USP36: variants seen among roughly 807,000 people sequenced by gnomAD.
USP36 encodes the protein ubiquitin carboxyl-terminal hydrolase 36.
Under a neutral mutation model 111.5 loss-of-function variants are expected in USP36, and 59 were observed. The observed-to-expected ratio is 0.53, with a 90% CI of 0.43 to 0.66. The LOEUF (loss-of-function observed/expected upper bound fraction) is 0.66, where lower values mean the gene tolerates loss of function less well. Among genes scored for constraint, USP36 ranks in the 30% least tolerant of loss-of-function variants. USP36 has a pLI of 0.00. For missense variants in USP36, 1,488 were observed against 1,468.0 expected, an observed-to-expected ratio of 1.01 and a Z score of -0.22; for synonymous variants, 628 against 581.0, an observed-to-expected ratio of 1.08 and a Z score of -1.16.
In USP36 at chr17:78,813,007, A is replaced by C. The variant is rs781206395; in HGVS notation, c.1266-6T>G. On this transcript the variant is annotated splice_region_variant and splice_polypyrimidine_tract_variant and intron_variant, in intron 12 of 20. Transcript: ENST00000449938. ...TTTTCTTAGAGCCTGGAATTCTGTC[A>C]AAGGAAGAAAACAAGTAGGGAATTC... 9.9e-6 allele frequency: 16 copies of C among 1,613,932 alleles called. No homozygotes were observed. Among genetic ancestry groups the C allele is most frequent in the Admixed American group, 5.0e-5 (3 of 59,982 alleles).
intron 3 of USP36, among the ~76,000 whole-genome samples, chr17:78,789,427 T>C (rs2093563990): frequency 1.3e-5 from 2 of 151,992 alleles, no homozygotes; most frequent in South Asian, 2.1e-4. Context: ...AGTGAATAAA[T>C]AGAAGACAGA....
chr17:78,816,943 T>A (rs73394977), intron 10 of USP36, among the ~76,000 whole-genome samples: 5,996 of 152,298 alleles, frequency 0.039, 384 homozygotes, highest in African/African-American at 0.13. Context: ...ACTGTTCTGA[T>A]TTCTGTCACC....
At chr17:78,814,757 T>G (rs960022310) in intron 10 of USP36, among the ~76,000 whole-genome samples, 1 of 150,338 alleles carries the variant, frequency 6.7e-6, no homozygotes, top group African/African-American at 2.5e-5. Context: ...GAGATCAGCC[T>G]GACCAATATA....
Position 78,798,740 on chromosome 17 carries a change from A to C in USP36, c.3240+168T>G, listed in dbSNP as rs1211419338. The stretch of plus-strand genomic sequence containing the variant: ...TATTGACAAAGGGGCGGAAGCTGCG[A>C]GGATGCATGCCCTGTCCATGGCCAC... On this transcript the variant is annotated intron_variant, in intron 19 of 20. Coordinates refer to ENST00000449938, the MANE Select transcript of USP36 (RefSeq NM_001385174.1). The surrounding 1 kb of genome is among the most constrained non-coding windows in gnomAD (Gnocchi z 5.1). Among the ~76,000 whole-genome samples the C allele has an allele frequency of 6.6e-6, 1 of 152,172 alleles. No individual in the cohort carries two copies. Among genetic ancestry groups the C allele is most frequent in the African/African-American group, 2.4e-5 (1 of 41,450 alleles).
At chr17:78,836,816 C>CACAG (rs1033170490) in intron 2 of USP36, among the ~76,000 whole-genome samples, 25 of 143,528 alleles carry the variant, frequency 1.7e-4, no homozygotes, top group African/African-American at 6.9e-4. Flanking sequence ...CACACACACA[C>CACAG]ACAAACGGAC....
At chr17:78,820,869 G>A in intron 8 of USP36, 122 bp downstream of exon 8, 1 of 1,047,506 alleles carries the variant, frequency 9.5e-7, no homozygotes, top group African/African-American at 1.6e-5. Flanking sequence ...CAAGGCGGCA[G>A]GGAGCAAAGG....
chr17:78,804,216 C>A (rs2093831240), intron 15 of USP36, among the ~76,000 whole-genome samples: 1 of 152,166 alleles, frequency 6.6e-6, no homozygotes, highest in Non-Finnish European at 1.5e-5. Context: ...AATTCCAGCA[C>A]TTTGGGAAGC....
At chr17:78,821,401 T>C (rs1315423354) in intron 7 of USP36, 1 of 54,810 alleles carries the variant, frequency 1.8e-5, no homozygotes, top group African/African-American at 9.4e-5. Context: ...TATATATATA[T>C]ATATATATAT....
chr17:78,812,552 G>T (rs944665303), intron 13 of USP36, among the ~76,000 whole-genome samples: 1 of 151,736 alleles, frequency 6.6e-6, no homozygotes, highest in Non-Finnish European at 1.5e-5. Flanking sequence ...TTAGCCGGGC[G>T]TGGTTCGGGC....
At chr17:78,801,643 C>A (rs1347256889) in intron 17 of USP36, among the ~76,000 whole-genome samples, 1 of 152,160 alleles carries the variant, frequency 6.6e-6, no homozygotes, top group Non-Finnish European at 1.5e-5. Flanking sequence ...AGCCACAGCA[C>A]ACAGGTCCCC....
intron 9 of USP36, chr17:78,818,982 G>GA: frequency 2.0e-6 from 1 of 509,900 alleles, no homozygotes; most frequent in Non-Finnish European, 3.5e-6. Flanking sequence ...TAAGACTACA[G>GA]AAAGTGGGAA....
intron 4 of USP36, among the ~76,000 whole-genome samples, chr17:78,830,269 A>G (rs558671052): frequency 6.6e-6 from 1 of 152,316 alleles, no homozygotes; most frequent in South Asian, 2.1e-4. Flanking sequence ...CTTTCTATAA[A>G]TCGTATCATG....
chr17:78,802,363 C>T lies in USP36; in HGVS notation c.2983G>A (p.Ala995Thr), dbSNP rs145562419. 2.0e-5 allele frequency: 32 copies of T among 1,600,954 alleles called. No individual in the cohort carries two copies. Among genetic ancestry groups the T allele is most frequent in the East Asian group, 1.1e-4 (5 of 44,532 alleles). ...GGACACCAGCCATTCGCGGATGGTG[C>T]GCAGCTGCTGGACTCGGGGACAACA... ...DAVVPESSSCAPSANGWCPGD... is the reference protein window; with the variant it reads ...DAVVPESSSCTPSANGWCPGD... The change falls in exon 17 of 21, where the codon GCA (alanine) becomes ACA (threonine). Residue 995 changes from alanine to threonine, a missense_variant. Physicochemically the swap from Ala to Thr is moderately conservative, Grantham distance 58 (BLOSUM62 0). Transcript: ENST00000449938.
intron 4 of USP36, among the ~76,000 whole-genome samples, chr17:78,834,997 G>GTGTGTATATA (rs968867639): frequency 6.4e-5 from 9 of 141,434 alleles, no homozygotes; most frequent in African/African-American, 2.2e-4. Flanking sequence ...AATAATATTT[G>GTGTGTATATA]TATATATATA....
At chr17:78,814,274 G>C (rs2094132096) in intron 11 of USP36, 138 bp downstream of exon 11, 1 of 1,182,570 alleles carries the variant, frequency 8.5e-7, no homozygotes. Context: ...CACGCAGAGA[G>C]GCAACAACGA....
intron 10 of USP36, among the ~76,000 whole-genome samples, chr17:78,818,119 C>G (rs901862885): frequency 6.6e-6 from 1 of 152,082 alleles, no homozygotes; most frequent in South Asian, 2.1e-4. Context: ...AAAATACCAT[C>G]GTGTCAAAAG....
chr17:78,801,525 C>T (rs1021266868), intron 17 of USP36, among the ~76,000 whole-genome samples: 1 of 152,226 alleles, frequency 6.6e-6, no homozygotes, highest in Non-Finnish European at 1.5e-5. Flanking sequence ...GACTTTCTCT[C>T]CCCTTCACTT....
rs114691947 is a variant in USP36 at position 78,806,092 on chromosome 17, G to A, written c.2216+64C>T. ...TGGCGATTCGTCCAACTCCTCACCA[G>A]CCAAGCACACGCAACCACAGGGAGA... On this transcript the variant is annotated intron_variant, in intron 15 of 20. Transcript: ENST00000449938. 2,629 of 1,606,956 alleles carry A rather than the reference G, an allele frequency of 1.6e-3. 37 individuals carry two copies. The African/African-American group carries it at 0.031, about 19-fold the overall frequency.
intron 7 of USP36, 132 bp downstream of exon 7, chr17:78,821,805 C>A: frequency 1.0e-6 from 1 of 999,470 alleles, no homozygotes; most frequent in Non-Finnish European, 1.5e-6. Context: ...GAAACCATGG[C>A]TCAAGACCTC....
Sources: allele counts gnomAD v4.1 joint callset (sites outside exome capture counted in the v4.1 genomes callset), GRCh38; gene constraint gnomAD v4.1.1; non-coding constraint Gnocchi (gnomAD v3.1); transcripts MANE v1.5; gene names NCBI Gene and HGNC (gene_info 2026-07-23, HGNC 2026-07-21).